TPPP2: variants seen among roughly 807,000 people sequenced by gnomAD.
The protein encoded by TPPP2 is tubulin polymerization promoting protein family member 2.
TPPP2 carries 8 observed loss-of-function variants against 13.0 expected under a neutral mutation model. The observed-to-expected ratio is 0.62, with a 90% confidence interval of 0.36 to 1.11. The LOEUF is 1.11. Among genes scored for constraint, TPPP2 ranks in the 50% most tolerant of loss-of-function variants. The pLI, the probability that TPPP2 is intolerant of heterozygous loss-of-function variation, is 0.02. For missense variants in TPPP2, 213 were observed against 216.9 expected (o/e 0.98, Z 0.11); for synonymous variants, 81 against 81.8 (o/e 0.99, Z 0.05).
At chr14:21,031,750 G>A (rs1884182066) in intron 3 of TPPP2, 142 bp from the exon 4 acceptor site, 4 of 863,680 alleles carry the variant, frequency 4.6e-6, no homozygotes, top group Non-Finnish European at 7.1e-6. Flanking sequence ...AGCTGTATCT[G>A]GGCCCTAAGA....
At position 21,031,982 on chromosome 14, in the gene TPPP2, G is replaced by T; in HGVS notation, c.418G>T (p.Gly140Cys). The T allele has an allele frequency of 1.2e-6, 2 of 1,614,124 alleles. No homozygotes were observed. Among genetic ancestry groups the T allele is most frequent in the South Asian group, 2.2e-5 (2 of 91,086 alleles). ...GGAGCGCTTTGATGAGAGTGGCAAG[G>T]GCAAGGGCATTGCGGGACGGGAAGA... ...HKERFDESGK[G>C]KGIAGREEMT... The change falls in exon 4 of 4, where the codon GGC becomes TGC. Residue 140 changes from glycine to cysteine, a missense_variant. Coordinates refer to ENST00000321760, the MANE Select transcript of TPPP2 (RefSeq NM_173846.5).
intron 1 of TPPP2, chr14:21,024,958 C>G: frequency 1.0e-6 from 1 of 985,624 alleles, no homozygotes; most frequent in African/African-American, 1.7e-5. Context: ...GGACGCGGAT[C>G]AATCACACCG....
rs908169431 is a variant in TPPP2 at position 21,031,787 on chromosome 14, G to A, written c.328-105G>A. On this transcript the variant is annotated intron_variant, in intron 3 of 3. Coordinates refer to ENST00000321760, the MANE Select transcript of TPPP2 (RefSeq NM_173846.5). ...AGCAGCACCCCATGCCAGTGGCAGA[G>A]CAAGAGCTCCAAGCACTTGTTCTAA... 1.8e-5 allele frequency: 23 copies of A among 1,301,642 alleles called. No individual in the cohort carries two copies. In the African/African-American group the frequency reaches 1.9e-4, roughly 11 times the overall value. 80.6% of individuals were successfully genotyped at this position (1,301,642 alleles called of 1,614,324 possible).
upstream of TPPP2, chr14:21,029,142 G>A (rs1883891790): frequency 6.6e-6 from 1 of 152,208 alleles, no homozygotes; most frequent in Admixed American, 6.5e-5. Context: ...AACACTGGAA[G>A]CTATTTAATG....
chr14:21,034,274 C>T, downstream of TPPP2: 1 of 1,611,526 alleles, frequency 6.2e-7, no homozygotes, highest in Non-Finnish European at 8.5e-7. Flanking sequence ...GGAGCCGGGT[C>T]ACAGCTGGTG....
rs1884300886 is a variant in TPPP2, at chr14:21,032,613, T to A, written c.*536T>A. On this transcript the variant is annotated 3_prime_UTR_variant, in exon 4 of 4. Transcript: ENST00000321760. The stretch of plus-strand genomic sequence containing the variant: ...TTACAAATTTGTTCCAGAGCTGGGG[T>A]AAGGGGAGAGTCTATTTTCAACACC... 5.8e-6 allele frequency: 2 copies of A among 343,406 alleles called. No individual in the cohort carries two copies. The highest frequency in any genetic ancestry group is 4.3e-5 in the Admixed American group (1 of 23,088). The allele number at this position is 343,406 out of a possible 1,614,324, so 21.3% of individuals were successfully genotyped here. A position where few individuals can be genotyped will look rare whatever the true frequency, so the allele number is the denominator to read the frequency against.
At chr14:21,026,033 T>C (rs74036554), upstream of TPPP2, among the ~76,000 whole-genome samples, 2 of 151,820 alleles carry the variant, frequency 1.3e-5, no homozygotes, top group African/African-American at 2.4e-5. Context: ...CGGCCCAGAA[T>C]AGGAGACCAG....
chr14:21,026,818 C>T (rs143804832), upstream of TPPP2, among the ~76,000 whole-genome samples: 659 of 152,254 alleles, frequency 4.3e-3, 3 homozygotes, highest in African/African-American at 0.015. Flanking sequence ...CCCCTCTTCC[C>T]TCTGGATGCC....
chr14:21,031,352 A>G (rs552298846), intron 3 of TPPP2, 187 bp downstream of exon 3: 212 of 660,148 alleles, frequency 3.2e-4, no homozygotes, highest in Non-Finnish European at 4.4e-4. Context: ...CCCAAGGTCC[A>G]TGGCTATTTT....
chr14:21,024,933 G>T (rs1429336927), intron 1 of TPPP2: 8 of 985,578 alleles, frequency 8.1e-6, no homozygotes, highest in Non-Finnish European at 9.6e-6. Context: ...TTTCCCCCGA[G>T]CCTCCAGCTC....
chr14:21,034,613 C>A (rs777013709), downstream of TPPP2: 4 of 281,716 alleles, frequency 1.4e-5, no homozygotes, highest in African/African-American at 2.2e-5. Flanking sequence ...CCTGGCACTC[C>A]TGCTAGTAAA....
At chr14:21,028,768 T>C (rs1883865765), upstream of TPPP2, among the ~76,000 whole-genome samples, 1 of 152,106 alleles carries the variant, frequency 6.6e-6, no homozygotes, top group Non-Finnish European at 1.5e-5. Context: ...AGAGATCATT[T>C]AGAAACCAGA....
upstream of TPPP2, among the ~76,000 whole-genome samples, chr14:21,028,765 AT>A (rs1316676926): frequency 2.0e-5 from 3 of 152,198 alleles, no homozygotes; most frequent in African/African-American, 4.8e-5. Flanking sequence ...AAAAGAGATC[AT>A]TTAGAAACCA....
chr14:21,031,789 A>G (rs371680835), intron 3 of TPPP2, 103 bp from the exon 4 acceptor site: 16 of 1,337,850 alleles, frequency 1.2e-5, no homozygotes, highest in African/African-American at 8.8e-5. Context: ...GTGGCAGAGC[A>G]AGAGCTCCAA....
intron 1 of TPPP2, 53 bp downstream of exon 1, chr14:21,030,357 A>C (rs1472855469): frequency 1.8e-6 from 1 of 553,158 alleles, no homozygotes; most frequent in African/African-American, 1.9e-5. Context: ...TAGGATCCAC[A>C]CTGGTATCTC....
Position 21,030,320 on chromosome 14 carries a change from A to G in TPPP2, c.-70+16A>G, listed in dbSNP as rs374058250. 87 of 451,668 alleles carry G rather than the reference A, an allele frequency of 1.9e-4. 1 individual carries two copies. The highest frequency in any genetic ancestry group is 1.4e-3 in the African/African-American group (69 of 50,946). The allele number at this position is 451,668 out of a possible 1,614,324, so 28.0% of individuals were successfully genotyped here. Reference sequence around the variant, plus strand: ...GTACTCTAAGGTACATAAAAGAGGTAGGGGAAAGAGAGGATCATTCAGTAG... The same window carrying G: ...GTACTCTAAGGTACATAAAAGAGGTGGGGGAAAGAGAGGATCATTCAGTAG... On this transcript the variant is annotated intron_variant, in intron 1 of 3. Transcript: ENST00000321760.
downstream of TPPP2, chr14:21,033,913 T>C (rs749996635): frequency 1.9e-6 from 3 of 1,613,948 alleles, no homozygotes; most frequent in East Asian, 2.2e-5. Context: ...AGGGTGCTAT[T>C]GTAGTAGCAG....
chr14:21,031,866 A>G, intron 3 of TPPP2, 26 bp from the exon 4 acceptor site: 1 of 1,606,784 alleles, frequency 6.2e-7, no homozygotes, highest in Non-Finnish European at 8.5e-7. Context: ...AAAGGAAGAG[A>G]GCTCAAATCC....
downstream of TPPP2, chr14:21,035,788 A>G (rs1010030466): frequency 2.2e-5 from 10 of 456,084 alleles, no homozygotes; most frequent in African/African-American, 1.6e-4. Context: ...TGTTTTGTCA[A>G]CTCAGTTTCC....
Sources: gnomAD v4.1 joint callset for allele counts (sites outside exome capture counted in the v4.1 genomes callset) on GRCh38, gnomAD v4.1.1 for gene constraint, MANE v1.5 for transcripts, NCBI Gene and HGNC (gene_info 2026-07-23, HGNC 2026-07-21) for gene names.